Variants in ZNF324 observed in about 807,000 individuals in gnomAD.
ZNF324 encodes the protein zinc finger protein 324.
A neutral mutation model predicts 10.3 loss-of-function variants in ZNF324; 3 were observed. That is an observed-to-expected ratio of 0.29 (90% CI 0.13 to 0.75). ZNF324 has a LOEUF of 0.75. Among genes scored for constraint, ZNF324 ranks in the 30% least tolerant of loss-of-function variants. The probability of loss-of-function intolerance (pLI) is 0.69; values close to 1 mark genes in which losing one functional copy is unlikely to be tolerated. For synonymous variants in ZNF324, 430 were observed against 339.5 expected (o/e 1.27, Z -2.93); for missense variants, 763 against 784.4 (o/e 0.97, Z 0.33).
In ZNF324 at chr19:58,471,113, T is replaced by G; in HGVS notation, c.621T>G (p.Phe207Leu). Residue 207 changes from phenylalanine (F) to leucine (L), a missense_variant, in exon 4 of 4, where the codon TTT becomes TTG. By Grantham distance (22) the Phe-to-Leu change is conservative. Transcript: ENST00000196482. ...CACAGGAGGTCCCTGGGAGAACCTT[T>G]GGGAGCGCCCAGGACCTGGAGGCTG... ...PCAQEVPGRT[F>L]GSAQDLEAAG... 1 of 1,613,772 alleles carries G rather than the reference T, an allele frequency of 6.2e-7. No individual in the cohort carries two copies. Among genetic ancestry groups the G allele is most frequent in the South Asian group, 1.1e-5 (1 of 91,076 alleles).
Position 58,471,165 on chromosome 19 carries a change from G to A in ZNF324, c.673G>A (p.Gly225Ser). Reference protein sequence around the residue: ...AAGGRGHHRMGAVWQEPHRLL... With the variant: ...AAGGRGHHRMSAVWQEPHRLL... ...CGGCGGTCGGGGACATCACCGAATGGGTGCAGTTTGGCAGGAGCCTCATAG... is the reference window on the plus strand; with the variant it reads ...CGGCGGTCGGGGACATCACCGAATGAGTGCAGTTTGGCAGGAGCCTCATAG... The change falls in exon 4 of 4, where the codon GGT (glycine) becomes AGT (serine). Residue 225 changes from glycine (G) to serine (S), a missense_variant. Coordinates refer to ENST00000196482, the MANE Select transcript of ZNF324 (RefSeq NM_014347.3). The A allele has an allele frequency of 1.2e-6, 2 of 1,613,814 alleles. No homozygotes were observed. Among genetic ancestry groups the A allele is most frequent in the Non-Finnish European group, 1.7e-6 (2 of 1,180,028 alleles).
At chr19:58,470,017 A>C (rs1038730359) in intron 3 of ZNF324, among the ~76,000 whole-genome samples, 173 bp downstream of exon 3, 2 of 135,454 alleles carry the variant, frequency 1.5e-5, no homozygotes, top group African/African-American at 5.5e-5. Context: ...TTGAAGGTGG[A>C]GCTCCAAGGG....
chr19:58,470,984 C>T lies in ZNF324; in HGVS notation c.492C>T (p.Ser164=). 6.2e-7 allele frequency: 1 copy of T among 1,614,228 alleles called. No homozygotes were observed. The highest frequency in any genetic ancestry group is 8.5e-7 in the Non-Finnish European group (1 of 1,180,038). ...GQASVSLRLT[S]PLRPPEGVRL... is the part of the protein sequence containing the mutation. Reference sequence around the variant, plus strand: ...CCAGCGTCAGCCTGCGACTGACCTCCCCGCTTAGGCCTCCCGAGGGCGTCC... The same window carrying T: ...CCAGCGTCAGCCTGCGACTGACCTCTCCGCTTAGGCCTCCCGAGGGCGTCC... The change falls in exon 4 of 4, where the codon TCC becomes TCT. Residue 164 remains serine (S), a synonymous_variant. Transcript: ENST00000196482.
At position 58,471,875 on chromosome 19, in the gene ZNF324, C is replaced by T. The variant is rs746139601; in HGVS notation, c.1383C>T (p.Ala461=). ...RPFRCVDCGK[A]FAKGAVLLSH... ...TCCGCTGCGTGGACTGTGGCAAGGC[C>T]TTCGCCAAGGGCGCCGTGCTGCTCA... is the stretch of plus-strand genomic sequence containing the variant. Residue 461 remains alanine (A), a synonymous_variant, in exon 4 of 4, where the codon GCC becomes GCT. Coordinates refer to ENST00000196482, the MANE Select transcript of ZNF324 (RefSeq NM_014347.3). 298 of 1,612,150 alleles carry T rather than the reference C, an allele frequency of 1.8e-4. 4 individuals are homozygous for T. The highest frequency in any genetic ancestry group is 1.8e-3 in the Middle Eastern group (11 of 6,050).
rs1466902723 is a variant in ZNF324, at chr19:58,472,378, A to C, written c.*224A>C. On this transcript the variant is annotated 3_prime_UTR_variant, in exon 4 of 4. Coordinates refer to ENST00000196482, the MANE Select transcript of ZNF324 (RefSeq NM_014347.3). ...GTAGCACTGCAGCAACATCAGGGGG[A>C]GGACGTGGTGGCTGAACTCTAGTGG... 5.3e-6 allele frequency: 3 copies of C among 565,530 alleles called. No homozygotes were observed. The African/African-American group carries it at 5.6e-5, about 11-fold the overall frequency. The allele number at this position is 565,530 out of a possible 1,614,324, so 35.0% of individuals were successfully genotyped here.
rs752161195 is a variant in ZNF324, at chr19:58,471,919, C to T, written c.1427C>T (p.Thr476Met). The T allele has an allele frequency of 2.5e-6, 4 of 1,610,206 alleles. No individual in the cohort carries two copies. The African/African-American group carries it at 4.0e-5, about 16-fold the overall frequency. Residue 476 changes from threonine to methionine, a missense_variant, in exon 4 of 4, where the codon ACG becomes ATG. Around this residue, in one of 3 missense-constraint regions of ZNF324, gnomAD observed 231 missense variants for 196.0 expected, o/e 1.18. Coordinates refer to ENST00000196482, the MANE Select transcript of ZNF324 (RefSeq NM_014347.3). ...CTGCTCAGCCACCGGCGCATTCACA[C>T]GGGCGAGAAGCCCTTCGTGTGTACG... is the stretch of plus-strand genomic sequence containing the variant. ...AVLLSHRRIH[T>M]GEKPFVCTQC...
chr19:58,468,993 G>A (rs958623813), intron 1 of ZNF324, among the ~76,000 whole-genome samples, 187 bp from the exon 2 acceptor site: 2 of 152,202 alleles, frequency 1.3e-5, no homozygotes, highest in Non-Finnish European at 2.9e-5. Flanking sequence ...AAACAAGTTC[G>A]TGAACTTTCT....
Position 58,472,180 on chromosome 19 carries a change from C to G in ZNF324, c.*26C>G. On this transcript the variant is annotated 3_prime_UTR_variant, in exon 4 of 4. Coordinates refer to ENST00000196482, the MANE Select transcript of ZNF324 (RefSeq NM_014347.3). ...GGTCACAGGTTGCAGCCCTGGCCTT[C>G]TGTGAATCCCTTCCACAGCTAAAGG... is the stretch of plus-strand genomic sequence containing the variant. 1 of 1,540,126 alleles carries G rather than the reference C, an allele frequency of 6.5e-7. No individual in the cohort carries two copies. Among genetic ancestry groups the G allele is most frequent in the Non-Finnish European group, 8.7e-7 (1 of 1,145,114 alleles).
Position 58,471,218 on chromosome 19 carries a change from C to T in ZNF324, c.726C>T (p.Thr242=). The T allele has an allele frequency of 1.9e-6, 3 of 1,613,602 alleles. No individual in the cohort carries two copies. The highest frequency in any genetic ancestry group is 2.5e-6 in the Non-Finnish European group (3 of 1,179,930). The part of the protein sequence containing the change: ...HRLLGGQEPS[T]WDELGEALHA... ...TCCTCGGTGGCCAGGAGCCCTCGAC[C>T]TGGGACGAGCTGGGCGAGGCTCTTC... is the stretch of plus-strand genomic sequence containing the variant. Residue 242 remains threonine (T), a synonymous_variant, in exon 4 of 4, where the codon ACC becomes ACT. Coordinates refer to ENST00000196482, the MANE Select transcript of ZNF324 (RefSeq NM_014347.3).
At chr19:58,470,079 T>G (rs1037352390) in intron 3 of ZNF324, among the ~76,000 whole-genome samples, 4 of 152,158 alleles carry the variant, frequency 2.6e-5, no homozygotes, top group Non-Finnish European at 5.9e-5. Context: ...TGAGACCATC[T>G]CAGAGTCCTG....
rs1294751311 is a variant in ZNF324 at position 58,469,442 on chromosome 19, C to T, written c.121+136C>T. 2.4e-6 allele frequency: 3 copies of T among 1,233,004 alleles called. No homozygotes were observed. In the South Asian group the frequency reaches 4.5e-5, roughly 19 times the overall value. 76.4% of individuals were successfully genotyped at this position (1,233,004 alleles called of 1,614,324 possible). A position where few individuals can be genotyped will look rare whatever the true frequency, so the allele number is the denominator to read the frequency against. On this transcript the variant is annotated intron_variant, in intron 2 of 3. Coordinates refer to ENST00000196482, the MANE Select transcript of ZNF324 (RefSeq NM_014347.3). ...GAGCCATGTGGAATAGGGGTCTGGTCCTATAGACATGCAGTCTGGTTGGCT... is the reference window on the plus strand; with the variant it reads ...GAGCCATGTGGAATAGGGGTCTGGTTCTATAGACATGCAGTCTGGTTGGCT...
chr19:58,469,996 C>T (rs1426164071), intron 3 of ZNF324, 152 bp downstream of exon 3: 29 of 651,558 alleles, frequency 4.5e-5, no homozygotes, highest in African/African-American at 7.3e-5. Context: ...AGGCTGCAGC[C>T]TTAGCTGCCC....
Position 58,469,299 on chromosome 19 carries a change from C to T in ZNF324, c.114C>T (p.Ala38=). The T allele has an allele frequency of 6.2e-7, 1 of 1,614,070 alleles. No individual in the cohort carries two copies. Among genetic ancestry groups the T allele is most frequent in the Non-Finnish European group, 8.5e-7 (1 of 1,179,956 alleles). ...RVMLDNFALV[A]SLGLSTSRPR... is the part of the protein sequence containing the mutation. Reference sequence around the variant, plus strand: ...TGCTAGACAACTTCGCACTTGTGGCCTCGCTGGGTAAGGTCCTAGATACTC... The same window carrying T: ...TGCTAGACAACTTCGCACTTGTGGCTTCGCTGGGTAAGGTCCTAGATACTC... The change falls in exon 2 of 4, where the codon GCC becomes GCT. Residue 38 remains alanine (A), a synonymous_variant. Coordinates refer to ENST00000196482, the MANE Select transcript of ZNF324 (RefSeq NM_014347.3).
rs1478590444 is a variant in ZNF324, at chr19:58,471,056, G to A, written c.564G>A (p.Gln188=). ...TLTEHALLGR[Q]PRTPERQKPC... The stretch of plus-strand genomic sequence containing the variant: ...CAGAGCATGCGTTGCTGGGGAGGCA[G>A]CCCAGGACGCCTGAGCGGCAGAAAC... The change falls in exon 4 of 4, where the codon CAG becomes CAA. Residue 188 remains glutamine, a synonymous_variant. Transcript: ENST00000196482. 2.5e-6 allele frequency: 4 copies of A among 1,613,824 alleles called. No individual in the cohort carries two copies. In the African/African-American group the frequency reaches 4.0e-5, roughly 16 times the overall value.
At position 58,473,647 on chromosome 19, in the gene ZNF324, C is replaced by T. The variant is rs2053057643; in HGVS notation, c.*1493C>T. 6.6e-6 allele frequency: 1 copy of T among 152,272 alleles called. No homozygotes were observed. The highest frequency in any genetic ancestry group is 1.5e-5 in the Non-Finnish European group (1 of 68,066). 9.4% of individuals were successfully genotyped at this position (152,272 alleles called of 1,614,324 possible). A position where few individuals can be genotyped will look rare whatever the true frequency, so the allele number is the denominator to read the frequency against. ...CAATGCAGATGGTATTGAACATACC[C>T]TGACATGCCATCAGCGTTTGTCATC... On this transcript the variant is annotated 3_prime_UTR_variant, in exon 4 of 4. Transcript: ENST00000196482.
intron 1 of ZNF324, among the ~76,000 whole-genome samples, chr19:58,468,658 G>A (rs2053002170): frequency 6.6e-6 from 1 of 152,150 alleles, no homozygotes; most frequent in African/African-American, 2.4e-5. Flanking sequence ...GCTGAGTCAC[G>A]AGTGGACACC....
At position 58,471,516 on chromosome 19, in the gene ZNF324, C is replaced by A. The variant is rs764557012; in HGVS notation, c.1024C>A (p.Arg342Ser). The change falls in exon 4 of 4, where the codon CGC (arginine) becomes AGC (serine). Residue 342 changes from arginine to serine, a missense_variant. Arg to Ser is a moderately radical substitution (Grantham distance 110). Transcript: ENST00000196482. Reference sequence around the variant, plus strand: ...CATCCACACGGCCGAGAAGTCCTTCCGCTGCTCCGAGTGCGGCAAGGCCTT... The same window carrying A: ...CATCCACACGGCCGAGAAGTCCTTCAGCTGCTCCGAGTGCGGCAAGGCCTT... ...QRIHTAEKSFRCSECGKAFSH... is the reference protein window; with the variant it reads ...QRIHTAEKSFSCSECGKAFSH... 1 of 1,573,968 alleles carries A rather than the reference C, an allele frequency of 6.4e-7. No individual in the cohort carries two copies. The highest frequency in any genetic ancestry group is 1.8e-5 in the Admixed American group (1 of 55,486).
chr19:58,471,959 C>T lies in ZNF324; in HGVS notation c.1467C>T (p.Ala489=). ...TCGTGTGTACGCAGTGTGGCCGCGC[C>T]TTCCGTGAGCGCCCGGCCCTCTTCC... ...KPFVCTQCGR[A]FRERPALFHH... is the part of the protein sequence containing the mutation. Residue 489 remains alanine, a synonymous_variant, in exon 4 of 4, where the codon GCC becomes GCT. Coordinates refer to ENST00000196482, the MANE Select transcript of ZNF324 (RefSeq NM_014347.3). 1 of 1,609,428 alleles carries T rather than the reference C, an allele frequency of 6.2e-7. No individual in the cohort carries two copies. Among genetic ancestry groups the T allele is most frequent in the African/African-American group, 1.3e-5 (1 of 75,058 alleles).
chr19:58,469,131 G>C (rs1342974765), intron 1 of ZNF324, 49 bp from the exon 2 acceptor site: 2 of 1,613,016 alleles, frequency 1.2e-6, no homozygotes, highest in East Asian at 4.5e-5. Flanking sequence ...CAAAAGATTG[G>C]ATAACCCAGC....
Sources: allele counts gnomAD v4.1 joint callset (sites outside exome capture counted in the v4.1 genomes callset), GRCh38; gene constraint gnomAD v4.1.1; regional missense constraint gnomAD v4.1.1; transcripts MANE v1.5; gene names NCBI Gene and HGNC (gene_info 2026-07-23, HGNC 2026-07-21).